STIMATE: variants seen among roughly 807,000 people sequenced by gnomAD.
STIMATE encodes STIM activating enhancer, also known as store-operated calcium entry regulator STIMATE.
In STIMATE, 15 loss-of-function variants were observed where a neutral mutation model predicts 36.7. The ratio of observed to expected loss-of-function variants is 0.41; its 90% confidence interval spans 0.27 to 0.63. The LOEUF is 0.63. Among genes scored for constraint, STIMATE ranks in the 20% least tolerant of loss-of-function variants. The pLI is 0.32. For missense variants in STIMATE, 305 were observed against 397.3 expected (o/e 0.77, Z 1.98); for synonymous variants, 163 against 162.3 (o/e 1.00, Z -0.03).
chr3:52,876,148 C>T (rs1289508894), intron 1 of STIMATE, among the ~76,000 whole-genome samples: 1 of 152,220 alleles, frequency 6.6e-6, no homozygotes, highest in African/African-American at 2.4e-5. Context: ...TTCCATCATT[C>T]CTCACTCAAC....
intron 2 of STIMATE, among the ~76,000 whole-genome samples, chr3:52,853,759 C>A (rs895110565): frequency 1.3e-5 from 2 of 152,200 alleles, no homozygotes; most frequent in African/African-American, 4.8e-5. Flanking sequence ...TTATCAAATT[C>A]GCCAGCAACA....
chr3:52,874,360 C>T (rs796770935), intron 1 of STIMATE, among the ~76,000 whole-genome samples: 11 of 152,250 alleles, frequency 7.2e-5, no homozygotes, highest in African/African-American at 2.4e-4. Flanking sequence ...ATCATTAAAA[C>T]GGTCAATGTG....
At chr3:52,888,636 T>C (rs950783802) in intron 1 of STIMATE, among the ~76,000 whole-genome samples, 1 of 152,120 alleles carries the variant, frequency 6.6e-6, no homozygotes, top group African/African-American at 2.4e-5. Context: ...GAAGATGTCT[T>C]ATAACAAAAT....
In STIMATE at chr3:52,836,824, A is replaced by C. The variant is rs1378527861; in HGVS notation, c.*3670T>G. The C allele has an allele frequency of 7.1e-6, 2 of 281,482 alleles. No individual in the cohort carries two copies. Among genetic ancestry groups the C allele is most frequent in the Non-Finnish European group, 1.5e-5 (2 of 137,644 alleles). The allele number at this position is 281,482 out of a possible 1,614,324, so 17.4% of individuals were successfully genotyped here. On this transcript the variant is annotated 3_prime_UTR_variant, in exon 8 of 8. Coordinates refer to ENST00000355083, the MANE Select transcript of STIMATE (RefSeq NM_198563.5). ...CATCATCTTCTCTTTCATTTCAAAA[A>C]AACGTTTCCATGAATCCTACCACCA...
At chr3:52,873,711 T>A (rs1220564238) in intron 1 of STIMATE, among the ~76,000 whole-genome samples, 7 of 152,206 alleles carry the variant, frequency 4.6e-5, no homozygotes, top group Admixed American at 2.0e-4. Flanking sequence ...GCTGGGGACC[T>A]GTAAGTACTT....
intron 1 of STIMATE, among the ~76,000 whole-genome samples, chr3:52,886,135 G>GA (rs1701684091): frequency 1.3e-5 from 2 of 152,192 alleles, no homozygotes; most frequent in African/African-American, 4.8e-5. Context: ...ATCATGCCTA[G>GA]AAAAAACATT....
At chr3:52,850,376 G>A (rs867609216) in intron 3 of STIMATE, among the ~76,000 whole-genome samples, 15 of 152,066 alleles carry the variant, frequency 9.9e-5, no homozygotes, top group Non-Finnish European at 1.8e-4. Flanking sequence ...AGGTTGCAGT[G>A]AGCTGAGATT....
In STIMATE at chr3:52,840,511, A is replaced by C. The variant is rs1163096644; in HGVS notation, c.868T>G (p.Phe290Val). Reference sequence around the variant, plus strand: ...GGAATGTGTCATACGGGTAGCCCAAAGCGGTGCTTCTTTTTCTTCACAGGC... The same window carrying C: ...GGAATGTGTCATACGGGTAGCCCAACGCGGTGCTTCTTTTTCTTCACAGGC... Reference protein sequence around the residue: ...LKPVKKKKHRFGLPV With the variant: ...LKPVKKKKHRVGLPV The change falls in exon 8 of 8, where the codon TTT (phenylalanine) becomes GTT (valine). Residue 290 changes from phenylalanine to valine, a missense_variant. Transcript: ENST00000355083. 9 of 1,613,656 alleles carry C rather than the reference A, an allele frequency of 5.6e-6. No homozygotes were observed. In the Admixed American group the frequency reaches 1.5e-4, roughly 27 times the overall value.
At chr3:52,884,800 T>C (rs1194506320) in intron 1 of STIMATE, among the ~76,000 whole-genome samples, 6 of 152,252 alleles carry the variant, frequency 3.9e-5, no homozygotes, top group African/African-American at 1.4e-4. Context: ...CTACAATTTG[T>C]TTATCCATTC....
intron 6 of STIMATE, chr3:52,843,285 TG>T: frequency 2.4e-6 from 1 of 412,038 alleles, no homozygotes; most frequent in Non-Finnish European, 4.4e-6. Context: ...AGACTCCATG[TG>T]GGTGGCCGGC....
intron 1 of STIMATE, among the ~76,000 whole-genome samples, chr3:52,876,338 C>G (rs1318455404): frequency 6.6e-6 from 1 of 152,200 alleles, no homozygotes; most frequent in African/African-American, 2.4e-5. Flanking sequence ...CTGATGGAGC[C>G]TGGTCCCTTG....
intron 1 of STIMATE, among the ~76,000 whole-genome samples, chr3:52,860,743 T>C (rs1701203667): frequency 6.6e-6 from 1 of 152,158 alleles, no homozygotes. Context: ...CGGTTGGGTC[T>C]TAAATGTTGA....
At chr3:52,867,937 TG>T (rs1320782702) in intron 1 of STIMATE, among the ~76,000 whole-genome samples, 1 of 152,192 alleles carries the variant, frequency 6.6e-6, no homozygotes, top group Non-Finnish European at 1.5e-5. Flanking sequence ...AAGCCATGCC[TG>T]GCTGGTCCTA....
intron 7 of STIMATE, 139 bp from the exon 8 acceptor site, chr3:52,840,749 G>C (rs1214052753): frequency 1.3e-6 from 1 of 790,942 alleles, no homozygotes; most frequent in Non-Finnish European, 1.9e-6. Context: ...ACCCAGGCTA[G>C]AGTGCAATGG....
intron 1 of STIMATE, among the ~76,000 whole-genome samples, chr3:52,866,506 A>C (rs1701315627): frequency 6.6e-6 from 1 of 152,018 alleles, no homozygotes; most frequent in Non-Finnish European, 1.5e-5. Flanking sequence ...GGTGGTGCTC[A>C]CTCTCCCAGA....
chr3:52,848,705 A>G (rs1424319295), intron 4 of STIMATE, among the ~76,000 whole-genome samples: 1 of 152,146 alleles, frequency 6.6e-6, no homozygotes, highest in Non-Finnish European at 1.5e-5. Flanking sequence ...TGCCCATTCT[A>G]TAAATGACGA....
At chr3:52,889,964 T>C (rs1275571311) in intron 1 of STIMATE, among the ~76,000 whole-genome samples, 1 of 152,182 alleles carries the variant, frequency 6.6e-6, no homozygotes, top group African/African-American at 2.4e-5. Flanking sequence ...GCCTCTTTGT[T>C]CTGAGACCCT....
chr3:52,863,635 TA>T (rs1701254672), intron 1 of STIMATE, among the ~76,000 whole-genome samples: 1 of 152,090 alleles, frequency 6.6e-6, no homozygotes, highest in African/African-American at 2.4e-5. Flanking sequence ...AACATTAACC[TA>T]AAAGTCGACA....
intron 7 of STIMATE, among the ~76,000 whole-genome samples, chr3:52,842,460 T>C (rs1559488111): frequency 1.3e-5 from 2 of 152,256 alleles, no homozygotes; most frequent in Non-Finnish European, 1.5e-5. Context: ...AATATCCTAA[T>C]GCTTGAAGAT....
Sources: gnomAD v4.1 joint callset for allele counts (sites outside exome capture counted in the v4.1 genomes callset) on GRCh38, gnomAD v4.1.1 for gene constraint, MANE v1.5 for transcripts, NCBI Gene and HGNC (gene_info 2026-07-23, HGNC 2026-07-21) for gene names.